The following CDS2 variants were observed in gnomAD, a reference collection of about 807,000 sequenced individuals.
The protein encoded by CDS2 is phosphatidate cytidylyltransferase 2.
A neutral mutation model predicts 59.0 loss-of-function variants in CDS2; 47 were observed. The ratio of observed to expected loss-of-function variants is 0.80; its 90% CI spans 0.63 to 1.02. The LOEUF is 1.02. Ranked by LOEUF, CDS2 falls within the 50% of genes least tolerant of loss-of-function variation. CDS2 has a pLI of 0.00. For synonymous variants in CDS2, 207 were observed against 206.4 expected (o/e 1.00, Z -0.02); for missense variants, 356 against 558.9 (o/e 0.64, Z 3.66).
At chr20:5,164,546 A>G (rs1053002658) in intron 1 of CDS2, among the ~76,000 whole-genome samples, 3 of 151,688 alleles carry the variant, frequency 2.0e-5, no homozygotes, top group African/African-American at 7.3e-5. Flanking sequence ...GATTGCGAAT[A>G]TATTTTTCTT....
intron 3 of CDS2, chr20:5,176,415 A>C: frequency 2.0e-6 from 1 of 496,830 alleles, no homozygotes; most frequent in Non-Finnish European, 3.6e-6. Flanking sequence ...TAATTGAAAC[A>C]TCAGGGTGTG....
intron 7 of CDS2, 84 bp downstream of exon 7, chr20:5,183,227 AC>A (rs1162086715): frequency 7.4e-6 from 8 of 1,084,588 alleles, no homozygotes; most frequent in Non-Finnish European, 1.1e-5. Flanking sequence ...AGTGGCCCTC[AC>A]CTTGAGCCAC....
At chr20:5,143,096 A>G (rs1356298982) in intron 1 of CDS2, among the ~76,000 whole-genome samples, 1 of 152,122 alleles carries the variant, frequency 6.6e-6, no homozygotes, top group Non-Finnish European at 1.5e-5. Context: ...CTCCTGCCTC[A>G]GCCTCCCACA....
In CDS2 at chr20:5,194,141, A is replaced by T. The variant is rs1342491053; in HGVS notation, c.*3907A>T. The T allele has an allele frequency of 6.6e-6, 1 of 152,264 alleles. No individual in the cohort carries two copies. The highest frequency in any genetic ancestry group is 1.5e-5 in the Non-Finnish European group (1 of 68,050). The allele number at this position is 152,264 out of a possible 1,614,324, so 9.4% of individuals were successfully genotyped here. A position where few individuals can be genotyped will look rare whatever the true frequency, so the allele number is the denominator to read the frequency against. On this transcript the variant is annotated 3_prime_UTR_variant, in exon 13 of 13. Coordinates refer to ENST00000460006, the MANE Select transcript of CDS2 (RefSeq NM_003818.4). The stretch of plus-strand genomic sequence containing the variant: ...GGCCTGAAGATGATGGCTAATACTC[A>T]GGCAGAGCCCCGTATTCTTCCCTGA...
At chr20:5,137,164 G>C (rs1180230760) in intron 1 of CDS2, among the ~76,000 whole-genome samples, 1 of 151,172 alleles carries the variant, frequency 6.6e-6, no homozygotes, top group Non-Finnish European at 1.5e-5. Flanking sequence ...CTCCCTGCTT[G>C]GTGCCTCTGT....
At chr20:5,169,638 G>A (rs2090940266) in intron 1 of CDS2, among the ~76,000 whole-genome samples, 1 of 152,192 alleles carries the variant, frequency 6.6e-6, no homozygotes. Flanking sequence ...ATGAACATAT[G>A]CATATGTCTT....
At chr20:5,143,507 T>G (rs2122974383) in intron 1 of CDS2, among the ~76,000 whole-genome samples, 1 of 152,308 alleles carries the variant, frequency 6.6e-6, no homozygotes, top group East Asian at 1.9e-4. Context: ...GCAGTGTTCT[T>G]TGTAGTAGCC....
At chr20:5,189,658 A>G (rs932140746) in intron 11 of CDS2, 77 bp from the exon 12 acceptor site, 4 of 1,025,160 alleles carry the variant, frequency 3.9e-6, no homozygotes, top group African/African-American at 1.7e-5. Flanking sequence ...GAAGCCTGAC[A>G]TTGGGGTGGG....
At chr20:5,133,615 C>T (rs540954414) in intron 1 of CDS2, among the ~76,000 whole-genome samples, 3 of 152,262 alleles carry the variant, frequency 2.0e-5, no homozygotes, top group East Asian at 3.9e-4. Flanking sequence ...GCAACCTCTG[C>T]CTCCTGGGTT....
intron 1 of CDS2, among the ~76,000 whole-genome samples, chr20:5,165,253 TAAG>T (rs1280995439): frequency 2.6e-5 from 4 of 152,278 alleles, no homozygotes; most frequent in Non-Finnish European, 4.4e-5. Context: ...CACAAATGTC[TAAG>T]AAGAAGGGGA....
intron 1 of CDS2, among the ~76,000 whole-genome samples, chr20:5,160,079 C>T (rs2090865525): frequency 6.6e-6 from 1 of 152,162 alleles, no homozygotes; most frequent in East Asian, 1.9e-4. Flanking sequence ...TGAAGCTGAG[C>T]TGTTTGTGCC....
At chr20:5,178,713 T>TG (rs1005162214) in intron 4 of CDS2, 104 bp from the exon 5 acceptor site, 26 of 1,162,736 alleles carry the variant, frequency 2.2e-5, no homozygotes, top group African/African-American at 1.1e-4. Flanking sequence ...GACTCAAGGG[T>TG]GGGGGGTATT....
Position 5,189,191 on chromosome 20 carries a change from G to A in CDS2, c.1101+5G>A. On this transcript the variant is annotated splice_donor_5th_base_variant and intron_variant, in intron 11 of 12. Transcript: ENST00000460006. ...AAACGAGCCTTTAAAATCAAAGTAG[G>A]AAAACCGTCTTACGTTCCTCTCATC... 1 of 1,613,948 alleles carries A rather than the reference G, an allele frequency of 6.2e-7. No homozygotes were observed. Among genetic ancestry groups the A allele is most frequent in the Non-Finnish European group, 8.5e-7 (1 of 1,179,958 alleles).
chr20:5,185,399 TG>T, intron 8 of CDS2, among the ~76,000 whole-genome samples: 1 of 152,304 alleles, frequency 6.6e-6, no homozygotes, highest in East Asian at 1.9e-4. Flanking sequence ...TACTCCAGCC[TG>T]GGTGATGGGG....
chr20:5,149,523 GTCC>G (rs1364769865), intron 1 of CDS2, among the ~76,000 whole-genome samples: 1 of 151,962 alleles, frequency 6.6e-6, no homozygotes, highest in African/African-American at 2.4e-5. Flanking sequence ...AAGGGCCTTA[GTCC>G]TCCTCTCCTT....
chr20:5,138,261 T>G (rs2122962722), intron 1 of CDS2, among the ~76,000 whole-genome samples: 1 of 152,060 alleles, frequency 6.6e-6, no homozygotes, highest in Middle Eastern at 3.4e-3. Context: ...CGAGTTGATT[T>G]TTGTATATGG....
chr20:5,176,359 C>G, intron 3 of CDS2: 1 of 273,994 alleles, frequency 3.6e-6, no homozygotes, highest in South Asian at 5.2e-5. Context: ...GAGTTCAAGA[C>G]CAGCCTGGGC....
chr20:5,134,991 A>G (rs2122951652), intron 1 of CDS2, among the ~76,000 whole-genome samples: 1 of 152,320 alleles, frequency 6.6e-6, no homozygotes, highest in Non-Finnish European at 1.5e-5. Context: ...CCCTCACTTT[A>G]TTCTCAACCT....
intron 1 of CDS2, among the ~76,000 whole-genome samples, chr20:5,144,865 A>G (rs1213500935): frequency 6.6e-6 from 1 of 152,154 alleles, no homozygotes; most frequent in African/African-American, 2.4e-5. Context: ...CTTGCAGAAC[A>G]TAACACTTCC....
Sources: gnomAD v4.1 joint callset for allele counts (sites outside exome capture counted in the v4.1 genomes callset) on GRCh38, gnomAD v4.1.1 for gene constraint, MANE v1.5 for transcripts, NCBI Gene and HGNC (gene_info 2026-07-23, HGNC 2026-07-21) for gene names.